The following LYRM7 variants were observed in gnomAD, a reference collection of about 807,000 sequenced individuals.
LYRM7 encodes the protein complex III assembly factor LYRM7.
Under a neutral mutation model 15.8 loss-of-function variants are expected in LYRM7, and 9 were observed. The ratio of observed to expected loss-of-function variants is 0.57; its 90% CI spans 0.34 to 0.99. The LOEUF is 0.99. Among genes scored for constraint, LYRM7 ranks in the 50% least tolerant of loss-of-function variants. LYRM7 has a pLI of 0.02. For missense variants in LYRM7, 115 were observed against 119.1 expected (o/e 0.97, Z 0.16); for synonymous variants, 39 against 39.4 (o/e 0.99, Z 0.04).
chr5:131,194,438 A>AG (rs1366215814), intron 4 of LYRM7, among the ~76,000 whole-genome samples: 1 of 152,208 alleles, frequency 6.6e-6, no homozygotes, highest in Non-Finnish European at 1.5e-5. Flanking sequence ...CTTTGTTTCA[A>AG]GACTTCCAAT....
chr5:131,180,253 C>T, intron 2 of LYRM7, 86 bp downstream of exon 2: 1 of 837,378 alleles, frequency 1.2e-6, no homozygotes, highest in Non-Finnish European at 2.0e-6. Flanking sequence ...GGTCAAGACC[C>T]ATTTTAGGGA....
chr5:131,184,936 A>C (rs984833306), intron 3 of LYRM7, among the ~76,000 whole-genome samples: 8 of 152,124 alleles, frequency 5.3e-5, no homozygotes, highest in Admixed American at 2.6e-4. Flanking sequence ...CTTGACTGCT[A>C]TTCTTCTCTC....
intron 4 of LYRM7, among the ~76,000 whole-genome samples, chr5:131,191,827 C>T (rs886811971): frequency 6.6e-6 from 1 of 151,872 alleles, no homozygotes; most frequent in Non-Finnish European, 1.5e-5. Context: ...TTATAGAAAA[C>T]AGTATAGAGG....
intron 4 of LYRM7, among the ~76,000 whole-genome samples, chr5:131,192,172 G>A (rs1276318747): frequency 6.6e-6 from 1 of 151,894 alleles, no homozygotes; most frequent in Non-Finnish European, 1.5e-5. Context: ...AGTGAAATAA[G>A]CCAGGCACAG....
chr5:131,173,608 G>T (rs1755556261), intron 1 of LYRM7, among the ~76,000 whole-genome samples: 2 of 152,130 alleles, frequency 1.3e-5, no homozygotes, highest in South Asian at 4.1e-4. Context: ...GCTAGGCTTG[G>T]TGGCACTTGT....
Position 131,197,846 on chromosome 5 carries a change from CTGTGTGTG to C in LYRM7, c.245-1653_245-1646del, listed in dbSNP as rs56146861. Among the ~76,000 whole-genome samples the C allele has an allele frequency of 4.4e-3, 635 of 143,358 alleles. 5 individuals carry two copies. Among genetic ancestry groups the C allele is most frequent in the East Asian group, 0.016 (79 of 4,944 alleles). The allele number at this position is 143,358 out of a possible 152,430, so 94.0% of individuals were successfully genotyped here. Reference sequence around the variant, plus strand: ...AGGCATGAGCCGCTGCATCTGGCCACTGTGTGTGTGTGTGTGTGTGTGTGTGTGTGTGT... The same window carrying C: ...AGGCATGAGCCGCTGCATCTGGCCACTGTGTGTGTGTGTGTGTGTGTGTGT... On this transcript the variant is annotated intron_variant, in intron 4 of 4. Coordinates refer to ENST00000379380, the MANE Select transcript of LYRM7 (RefSeq NM_181705.4).
intron 1 of LYRM7, 91 bp downstream of exon 1, chr5:131,171,129 G>A (rs1755513673): frequency 2.3e-6 from 3 of 1,287,052 alleles, no homozygotes; most frequent in South Asian, 1.7e-5. Context: ...CTGGAGGCTG[G>A]GGCTCCTGAC....
At chr5:131,189,676 A>G (rs1009255669) in intron 4 of LYRM7, among the ~76,000 whole-genome samples, 1 of 152,136 alleles carries the variant, frequency 6.6e-6, no homozygotes. Context: ...ATATGTGTGC[A>G]TCTGTTTCTG....
At chr5:131,174,959 C>T (rs1037316123) in intron 1 of LYRM7, among the ~76,000 whole-genome samples, 2 of 152,136 alleles carry the variant, frequency 1.3e-5, no homozygotes, top group African/African-American at 4.8e-5. Flanking sequence ...ACATCTCCAT[C>T]AGAGCTCTTG....
rs114248914 is a variant in LYRM7, at chr5:131,172,886, A to G, written c.18+1848A>G. Among the ~76,000 whole-genome samples the G allele has an allele frequency of 6.6e-3, 1,012 of 152,326 alleles. 17 individuals are homozygous for G. The highest frequency in any genetic ancestry group is 0.023 in the African/African-American group (959 of 41,572). ...TCTACACTGCCTGAATTGTCCAATC[A>G]GTATAAGTAAATGAGGAAGAGAATA... On this transcript the variant is annotated intron_variant, in intron 1 of 4. Coordinates refer to ENST00000379380, the MANE Select transcript of LYRM7 (RefSeq NM_181705.4).
chr5:131,172,915 T>G (rs1162350775), intron 1 of LYRM7, among the ~76,000 whole-genome samples: 3 of 152,190 alleles, frequency 2.0e-5, no homozygotes, highest in Non-Finnish European at 4.4e-5. Flanking sequence ...GAGAATACAG[T>G]CTGTGACCTG....
chr5:131,171,554 T>TGCTC (rs1288384050), intron 1 of LYRM7: 2 of 152,440 alleles, frequency 1.3e-5, no homozygotes, highest in Non-Finnish European at 2.9e-5. Context: ...GCTCACTGAA[T>TGCTC]GAGCTTGGGA....
rs940661478 is a variant in LYRM7 at position 131,193,866 on chromosome 5, G to A, written c.245-5665G>A. ...CTCTACTAAAAATACAAAATTAGCCGGGCATGGTGGCACATGCTTGTAGTC... is the reference window on the plus strand; with the variant it reads ...CTCTACTAAAAATACAAAATTAGCCAGGCATGGTGGCACATGCTTGTAGTC... On this transcript the variant is annotated intron_variant, in intron 4 of 4. Coordinates refer to ENST00000379380, the MANE Select transcript of LYRM7 (RefSeq NM_181705.4). Among the ~76,000 whole-genome samples the A allele has an allele frequency of 2.0e-4, 31 of 152,136 alleles. No individual in the cohort carries two copies. In the Middle Eastern group the frequency reaches 0.01, roughly 50 times the overall value.
intron 4 of LYRM7, among the ~76,000 whole-genome samples, chr5:131,194,192 C>T (rs1253536943): frequency 6.6e-6 from 1 of 152,026 alleles, no homozygotes; most frequent in Non-Finnish European, 1.5e-5. Context: ...AAAGCAAAGT[C>T]AGGGATTTTA....
chr5:131,182,040 A>C (rs570609310), intron 2 of LYRM7, among the ~76,000 whole-genome samples, 189 bp from the exon 3 acceptor site: 1 of 152,330 alleles, frequency 6.6e-6, no homozygotes, highest in African/African-American at 2.4e-5. Context: ...TTTACCTACA[A>C]ACTTGTCACC....
At chr5:131,193,782 C>G (rs80136205) in intron 4 of LYRM7, among the ~76,000 whole-genome samples, 25,554 of 151,982 alleles carry the variant, frequency 0.17, 2,490 homozygotes, top group African/African-American at 0.27. Context: ...GGCTGAGGCA[C>G]GTGGATCAAC....
intron 4 of LYRM7, among the ~76,000 whole-genome samples, chr5:131,188,713 A>T (rs1755835656): frequency 6.6e-6 from 1 of 152,144 alleles, no homozygotes; most frequent in Non-Finnish European, 1.5e-5. Flanking sequence ...CACTTTGGTA[A>T]TGTTATCTTT....
At chr5:131,172,141 C>T (rs1755532400) in intron 1 of LYRM7, among the ~76,000 whole-genome samples, 1 of 152,190 alleles carries the variant, frequency 6.6e-6, no homozygotes, top group Non-Finnish European at 1.5e-5. Context: ...GGGCTGGGTG[C>T]AGAGGCTCAC....
intron 4 of LYRM7, among the ~76,000 whole-genome samples, chr5:131,188,490 G>A (rs1352999996): frequency 1.3e-5 from 2 of 150,850 alleles, no homozygotes; most frequent in Non-Finnish European, 2.9e-5. Flanking sequence ...ATATTTCTCT[G>A]GTAACTAATG....
Sources: allele counts gnomAD v4.1 joint callset (sites outside exome capture counted in the v4.1 genomes callset), GRCh38; gene constraint gnomAD v4.1.1; transcripts MANE v1.5; gene names NCBI Gene and HGNC (gene_info 2026-07-23, HGNC 2026-07-21).